The following MYO3A variants were observed in gnomAD, a reference collection of about 807,000 sequenced individuals.
MYO3A encodes myosin-IIIa.
In MYO3A, 180 loss-of-function variants were observed where a neutral mutation model predicts 192.7. The observed-to-expected ratio is 0.93, with a 90% CI of 0.83 to 1.06. The LOEUF (loss-of-function observed/expected upper bound fraction) is 1.06. MYO3A is among the 50% of genes least tolerant of loss of function. The pLI, the probability that MYO3A is intolerant of heterozygous loss-of-function variation, is 0.00. For missense variants in MYO3A, 1,896 were observed against 1,905.0 expected, an observed-to-expected ratio of 1.00 and a Z score of 0.09; for synonymous variants, 628 against 645.3, an observed-to-expected ratio of 0.97 and a Z score of 0.41.
intron 17 of MYO3A, among the ~76,000 whole-genome samples, chr10:26,097,976 C>T (rs1327518734): frequency 6.6e-6 from 1 of 152,170 alleles, no homozygotes; most frequent in Non-Finnish European, 1.5e-5. Context: ...GTTCTAGATC[C>T]TTGAGGAATC....
intron 4 of MYO3A, among the ~76,000 whole-genome samples, chr10:25,974,563 CAG>C (rs1838862261): frequency 2.0e-5 from 3 of 152,316 alleles, no homozygotes; most frequent in South Asian, 4.1e-4. Flanking sequence ...GCAGCAGAGA[CAG>C]GGGCCCACAT....
chr10:26,022,614 A>G (rs557446115), intron 8 of MYO3A: 1 of 152,328 alleles, frequency 6.6e-6, no homozygotes, highest in South Asian at 2.1e-4. Context: ...ATGGAAAAGA[A>G]TGGAAAACCT....
chr10:25,996,993 G>A (rs184565993), intron 5 of MYO3A, among the ~76,000 whole-genome samples, 166 bp from the exon 6 acceptor site: 1 of 152,190 alleles, frequency 6.6e-6, no homozygotes, highest in Non-Finnish European at 1.5e-5. Context: ...ATAATTCAAA[G>A]TGGAAATGAT....
intron 2 of MYO3A, among the ~76,000 whole-genome samples, chr10:25,938,320 C>G (rs1449032674): frequency 6.6e-6 from 1 of 152,052 alleles, no homozygotes; most frequent in African/African-American, 2.4e-5. Context: ...TTGTAAGTCC[C>G]GTCGGAAGGC....
chr10:26,211,997 C>T lies in MYO3A; in HGVS notation c.*34C>T, dbSNP rs1486121081. The T allele has an allele frequency of 1.9e-6, 3 of 1,603,486 alleles. No homozygotes were observed. The highest frequency in any genetic ancestry group is 2.6e-6 in the Non-Finnish European group (3 of 1,172,514). ...CGAGGCAGTCACCGCCGTCGGAAGG[C>T]GCTGGAGCCTGCGGGGCAGCAGGGG... is the stretch of plus-strand genomic sequence containing the variant. On this transcript the variant is annotated 3_prime_UTR_variant, in exon 35 of 35. Transcript: ENST00000642920.
At chr10:26,190,595 G>A (rs1843080508) in intron 31 of MYO3A, among the ~76,000 whole-genome samples, 1 of 152,194 alleles carries the variant, frequency 6.6e-6, no homozygotes, top group Admixed American at 6.5e-5. Flanking sequence ...CACTTACTAT[G>A]TGTCAAGTAT....
At chr10:25,963,170 C>T (rs542364011) in intron 4 of MYO3A, among the ~76,000 whole-genome samples, 30 of 152,266 alleles carry the variant, frequency 2.0e-4, no homozygotes, top group African/African-American at 5.8e-4. Flanking sequence ...CAATTTTTCT[C>T]TTTGAAATTA....
At chr10:25,953,631 TATCTCTTTCTCTTCCTTCTTA>T (rs1170358056) in intron 3 of MYO3A, among the ~76,000 whole-genome samples, 3 of 152,268 alleles carry the variant, frequency 2.0e-5, no homozygotes, top group African/African-American at 7.2e-5. Flanking sequence ...CCCCATAGTG[TATCTCTTTCTCTTCCTTCTTA>T]ATGGAGAACA....
At chr10:26,110,335 T>C (rs1392614511) in intron 17 of MYO3A, among the ~76,000 whole-genome samples, 2 of 152,184 alleles carry the variant, frequency 1.3e-5, no homozygotes, top group Non-Finnish European at 2.9e-5. Flanking sequence ...ATGCATTAGA[T>C]GGTTTTTAGG....
chr10:26,004,169 A>G (rs1356111367), intron 6 of MYO3A, among the ~76,000 whole-genome samples: 1 of 152,132 alleles, frequency 6.6e-6, no homozygotes, highest in Non-Finnish European at 1.5e-5. Flanking sequence ...TGGGTCCCCA[A>G]GTGGGATGAG....
chr10:25,990,384 T>C (rs768936395), intron 4 of MYO3A, among the ~76,000 whole-genome samples: 3 of 152,282 alleles, frequency 2.0e-5, no homozygotes, highest in Non-Finnish European at 2.9e-5. Context: ...ACATAATCTA[T>C]TGCACTATTG....
intron 15 of MYO3A, among the ~76,000 whole-genome samples, chr10:26,089,547 A>ACC (rs1253819244): frequency 1.3e-5 from 2 of 151,476 alleles, no homozygotes; most frequent in African/African-American, 2.4e-5. Flanking sequence ...CTGGCAGTGA[A>ACC]CCGAGATCAT....
intron 10 of MYO3A, among the ~76,000 whole-genome samples, chr10:26,054,281 T>A (rs192695437): frequency 1.3e-5 from 2 of 152,338 alleles, no homozygotes; most frequent in East Asian, 3.9e-4. Context: ...ATGGAAGTTT[T>A]GCTTTAGAAA....
chr10:26,002,009 T>C (rs879145787), intron 6 of MYO3A, among the ~76,000 whole-genome samples: 1 of 152,080 alleles, frequency 6.6e-6, no homozygotes, highest in Admixed American at 6.6e-5. Flanking sequence ...ATCTGAGAAA[T>C]GGAGAAAACA....
rs182795408 is a variant in MYO3A at position 26,119,935 on chromosome 10, C to T, written c.1777-741C>T. ...CTTTCAGAGGCCAAGGTGGGCAGATCGCTTGAGCCCAGGAGTTCGAGACCA... is the reference window on the plus strand; with the variant it reads ...CTTTCAGAGGCCAAGGTGGGCAGATTGCTTGAGCCCAGGAGTTCGAGACCA... On this transcript the variant is annotated intron_variant, in intron 17 of 34. Transcript: ENST00000642920. Among the ~76,000 whole-genome samples the T allele has an allele frequency of 9.5e-3, 1,435 of 151,278 alleles. 23 individuals are homozygous for T. Among genetic ancestry groups the T allele is most frequent in the African/African-American group, 0.031 (1,293 of 41,170 alleles).
intron 6 of MYO3A, among the ~76,000 whole-genome samples, chr10:26,008,512 A>G (rs1375934099): frequency 6.7e-6 from 1 of 148,364 alleles, no homozygotes; most frequent in Non-Finnish European, 1.5e-5. Flanking sequence ...TCCAGAATCT[A>G]CAATGAACAA....
At chr10:25,964,432 A>G (rs979284013) in intron 4 of MYO3A, among the ~76,000 whole-genome samples, 1 of 152,206 alleles carries the variant, frequency 6.6e-6, no homozygotes, top group African/African-American at 2.4e-5. Flanking sequence ...AGATGAACAT[A>G]TCACACTTTG....
intron 6 of MYO3A, among the ~76,000 whole-genome samples, chr10:26,010,120 T>A (rs1841528724): frequency 6.6e-6 from 1 of 152,188 alleles, no homozygotes; most frequent in Non-Finnish European, 1.5e-5. Context: ...GATGTTGAGA[T>A]CTTTAAAGAA....
intron 9 of MYO3A, 142 bp downstream of exon 9, chr10:26,024,229 A>AAAACCAAAGATATTCCCTCC: frequency 1.3e-6 from 1 of 784,618 alleles, no homozygotes; most frequent in Non-Finnish European, 2.1e-6. Context: ...TGTCTTTTAA[A>AAAACCAAAGATATTCCCTCC]TGTTGGGTGA....
Sources: allele counts gnomAD v4.1 joint callset (sites outside exome capture counted in the v4.1 genomes callset), GRCh38; gene constraint gnomAD v4.1.1; transcripts MANE v1.5; gene names NCBI Gene and HGNC (gene_info 2026-07-23, HGNC 2026-07-21).